PPP2R3A: variants seen among roughly 807,000 people sequenced by gnomAD.
The protein encoded by PPP2R3A is protein phosphatase 2 regulatory subunit B''alpha, also known as serine/threonine-protein phosphatase 2A regulatory subunit B'' subunit alpha.
PPP2R3A carries 80 observed loss-of-function variants against 106.9 expected under a neutral mutation model. That is an observed-to-expected ratio of 0.75 (90% confidence interval 0.62 to 0.90). PPP2R3A has a LOEUF of 0.90. Ranked by LOEUF, PPP2R3A falls within the 40% of genes least tolerant of loss-of-function variation. The probability of loss-of-function intolerance (pLI) is 0.00; values close to 1 mark genes in which losing one functional copy is unlikely to be tolerated. For synonymous variants in PPP2R3A, 483 were observed against 468.3 expected (o/e 1.03, Z -0.41); for missense variants, 1,386 against 1,350.4 (o/e 1.03, Z -0.41).
chr3:135,994,472 TC>T, intron 1 of PPP2R3A, among the ~76,000 whole-genome samples: 1 of 152,182 alleles, frequency 6.6e-6, no homozygotes, highest in South Asian at 2.1e-4. Flanking sequence ...TTTCAAACAG[TC>T]CCCCTATGTT....
chr3:136,058,736 A>G (rs936629459), intron 5 of PPP2R3A, among the ~76,000 whole-genome samples: 12 of 152,232 alleles, frequency 7.9e-5, no homozygotes, highest in African/African-American at 2.4e-4. Context: ...TGAAGGCATC[A>G]TGCTACCCAT....
At chr3:136,099,015 A>G (rs1475675090) in intron 10 of PPP2R3A, among the ~76,000 whole-genome samples, 2 of 152,210 alleles carry the variant, frequency 1.3e-5, no homozygotes, top group Non-Finnish European at 2.9e-5. Context: ...GAAAACAGAT[A>G]AAATGAGTGT....
At chr3:136,139,180 C>A (rs1170296481) in intron 13 of PPP2R3A, among the ~76,000 whole-genome samples, 1 of 152,146 alleles carries the variant, frequency 6.6e-6, no homozygotes, top group Non-Finnish European at 1.5e-5. Context: ...TGCATACAAT[C>A]CTTTGTCAAA....
intron 13 of PPP2R3A, among the ~76,000 whole-genome samples, chr3:136,128,026 A>AG (rs1354762571): frequency 6.6e-6 from 1 of 152,190 alleles, no homozygotes; most frequent in Non-Finnish European, 1.5e-5. Context: ...CTAAACATGG[A>AG]AAGAAGCAAC....
At chr3:136,062,815 G>A (rs530296065) in intron 5 of PPP2R3A, among the ~76,000 whole-genome samples, 3 of 151,970 alleles carry the variant, frequency 2.0e-5, no homozygotes, top group South Asian at 4.2e-4. Flanking sequence ...TGGGTAGGAA[G>A]AATCAATATC....
chr3:136,075,117 C>T (rs1401283975), intron 6 of PPP2R3A, among the ~76,000 whole-genome samples: 1 of 152,122 alleles, frequency 6.6e-6, no homozygotes, highest in African/African-American at 2.4e-5. Context: ...TCAAACATTT[C>T]CATTCCTGGT....
At chr3:136,132,582 G>A (rs976368447) in intron 13 of PPP2R3A, among the ~76,000 whole-genome samples, 1 of 151,578 alleles carries the variant, frequency 6.6e-6, no homozygotes, top group African/African-American at 2.4e-5. Context: ...AATAATACTT[G>A]TACAATGAAA....
At chr3:136,092,391 T>C (rs1419633736) in intron 10 of PPP2R3A, among the ~76,000 whole-genome samples, 1 of 152,186 alleles carries the variant, frequency 6.6e-6, no homozygotes, top group Non-Finnish European at 1.5e-5. Flanking sequence ...TCATGGATCA[T>C]TGTTAAGATG....
In PPP2R3A at chr3:136,003,041, G is replaced by A; in HGVS notation, c.1543G>A (p.Asp515Asn). ...SQEEIDKLLM[D>N]LESFSQKMET... is the part of the protein sequence containing the mutation. ...GGAAGAGATAGATAAATTGTTAATG[G>A]ATTTGGAATCTTTTTCACAGAAGAT... Residue 515 changes from aspartate (D) to asparagine (N), a missense_variant, in exon 2 of 14, where the codon GAT becomes AAT. Coordinates refer to ENST00000264977, the MANE Select transcript of PPP2R3A (RefSeq NM_002718.5). 2 of 1,613,160 alleles carry A rather than the reference G, an allele frequency of 1.2e-6. No individual in the cohort carries two copies. Among genetic ancestry groups the A allele is most frequent in the Non-Finnish European group, 1.7e-6 (2 of 1,179,734 alleles).
rs1933605334 is a variant in PPP2R3A, at chr3:136,001,051, T to TA, written c.-440-7dup. 2 of 397,522 alleles carry TA rather than the reference T, an allele frequency of 5.0e-6. No homozygotes were observed. Among genetic ancestry groups the TA allele is most frequent in the Non-Finnish European group, 8.9e-6 (2 of 225,600 alleles). 24.6% of individuals were successfully genotyped at this position (397,522 alleles called of 1,614,324 possible). Reference sequence around the variant, plus strand: ...AAAATTTCCTTTTAATTTTTTTTTTTATTACAGGTTTCTCTGTCATTCACA... The same window carrying TA: ...AAAATTTCCTTTTAATTTTTTTTTTTAATTACAGGTTTCTCTGTCATTCACA... On this transcript the variant is annotated splice_region_variant and splice_polypyrimidine_tract_variant and intron_variant, in intron 1 of 13. Coordinates refer to ENST00000264977, the MANE Select transcript of PPP2R3A (RefSeq NM_002718.5).
intron 4 of PPP2R3A, among the ~76,000 whole-genome samples, chr3:136,044,079 T>G (rs1935387573): frequency 6.6e-6 from 1 of 152,236 alleles, no homozygotes; most frequent in Non-Finnish European, 1.5e-5. Context: ...AAGACCTCAC[T>G]GTTTTTCTAT....
At chr3:136,065,394 A>C (rs1474252363) in intron 5 of PPP2R3A, among the ~76,000 whole-genome samples, 1 of 152,142 alleles carries the variant, frequency 6.6e-6, no homozygotes, top group Non-Finnish European at 1.5e-5. Flanking sequence ...AGGTTAGTAG[A>C]ATGTTTGTTT....
intron 1 of PPP2R3A, among the ~76,000 whole-genome samples, chr3:135,966,596 T>C (rs988321206): frequency 6.6e-6 from 1 of 152,194 alleles, no homozygotes; most frequent in South Asian, 2.1e-4. Flanking sequence ...CGAACTCTGT[T>C]GTGCTCCCGT....
chr3:136,086,580 A>C (rs1413341755), intron 8 of PPP2R3A, among the ~76,000 whole-genome samples: 1 of 152,174 alleles, frequency 6.6e-6, no homozygotes. Flanking sequence ...TCCCAAGCTA[A>C]AAAATGCCTT....
chr3:136,023,136 A>C (rs1444948236), intron 2 of PPP2R3A: 1 of 1,613,602 alleles, frequency 6.2e-7, no homozygotes, highest in Admixed American at 1.7e-5. Context: ...TTTCCTGGCA[A>C]GGGGCTGTGA....
At chr3:136,077,695 C>T (rs1576484669) in intron 6 of PPP2R3A, among the ~76,000 whole-genome samples, 1 of 152,282 alleles carries the variant, frequency 6.6e-6, no homozygotes, top group African/African-American at 2.4e-5. Flanking sequence ...TTCTCCTACA[C>T]CACAGCACAC....
intron 4 of PPP2R3A, among the ~76,000 whole-genome samples, chr3:136,041,284 A>C (rs1935278050): frequency 8.9e-6 from 1 of 111,764 alleles, no homozygotes; most frequent in African/African-American, 4.2e-5. Flanking sequence ...TTGAGACAGA[A>C]TGTCACTTTT....
rs1052364795 is a variant in PPP2R3A at position 136,114,899 on chromosome 3, C to T, written c.3329+8577C>T. 5.3e-5 allele frequency among the ~76,000 whole-genome samples: 8 copies of T among 152,292 alleles called. No homozygotes were observed. In the East Asian group the frequency reaches 1.5e-3, roughly 29 times the overall value. On this transcript the variant is annotated intron_variant, in intron 13 of 13. Coordinates refer to ENST00000264977, the MANE Select transcript of PPP2R3A (RefSeq NM_002718.5). ...CCCTGCCTGATGGCTCTGAAGAGAG[C>T]AGCAGACCTCCCAGCACAACGTTTG...
chr3:136,132,768 G>C (rs1168033860), intron 13 of PPP2R3A, among the ~76,000 whole-genome samples: 1 of 151,750 alleles, frequency 6.6e-6, no homozygotes, highest in Non-Finnish European at 1.5e-5. Flanking sequence ...CCTAAAACTT[G>C]TATAGAAAAT....
Sources: allele counts gnomAD v4.1 joint callset (sites outside exome capture counted in the v4.1 genomes callset), GRCh38; gene constraint gnomAD v4.1.1; transcripts MANE v1.5; gene names NCBI Gene and HGNC (gene_info 2026-07-23, HGNC 2026-07-21).